The following EOLA1 variants were observed in gnomAD, a reference collection of about 807,000 sequenced individuals.
EOLA1 encodes the protein endothelium and lymphocyte associated ASCH domain 1.
In EOLA1, 1 loss-of-function variant was observed where a neutral mutation model predicts 4.5. The ratio of observed to expected loss-of-function variants is 0.22; its 90% CI spans 0.08 to 1.05. The LOEUF is 1.05. EOLA1 is among the 50% of genes least tolerant of loss of function. The pLI, the probability that EOLA1 is intolerant of heterozygous loss-of-function variation, is 0.57. For missense variants in EOLA1, 69 were observed against 127.2 expected, an observed-to-expected ratio of 0.54 and a Z score of 2.20; for synonymous variants, 37 against 52.3, an observed-to-expected ratio of 0.71 and a Z score of 1.26.
downstream of EOLA1, among the ~76,000 whole-genome samples, chrX:149,549,111 T>C (rs1323301232): frequency 1.8e-5 from 2 of 111,912 alleles, no homozygotes; most frequent in African/African-American, 3.3e-5. Flanking sequence ...GATTTTGATA[T>C]TAAACTGCAA....
rs2089881315 is a variant in EOLA1 at position 149,548,027 on chromosome X, TC to T, written c.*1067del. 9.8e-6 allele frequency among the ~76,000 whole-genome samples: 1 copy of T among 102,263 alleles called. No homozygotes were observed. The highest frequency in any genetic ancestry group is 1.0e-4 in the Admixed American group (1 of 9,703). The allele number at this position is 102,263 out of a possible 115,157, so 88.8% of individuals were successfully genotyped here. A position where few individuals can be genotyped will look rare whatever the true frequency, so the allele number is the denominator to read the frequency against. On this transcript the variant is annotated 3_prime_UTR_variant, in exon 5 of 5. Transcript: ENST00000393985. Reference sequence around the variant, plus strand: ...AGGCCAATCTCAGGGGACCAGGTCTTCCTGGGCTTGGCCTCGACACTTCCTA... The same window carrying T: ...AGGCCAATCTCAGGGGACCAGGTCTTCTGGGCTTGGCCTCGACACTTCCTA...
rs782302297 is a variant in EOLA1, at chrX:149,545,832, A to T, written c.202A>T (p.Ile68Phe). The change falls in exon 4 of 5, where the codon ATT (isoleucine) becomes TTT (phenylalanine). Residue 68 changes from isoleucine (I) to phenylalanine (F), a missense_variant. Transcript: ENST00000393985. Reference sequence around the variant, plus strand: ...GAGACTCGGGATGACTCCTGCTCAGATTCAGGCCTTGCTCAGGAAAGGGGA... The same window carrying T: ...GAGACTCGGGATGACTCCTGCTCAGTTTCAGGCCTTGCTCAGGAAAGGGGA... ...VERLGMTPAQ[I>F]QALLRKGEKF... is the part of the protein sequence containing the mutation. The T allele has an allele frequency of 1.2e-5, 14 of 1,211,374 alleles. No individual in the cohort carries two copies. The highest frequency in any genetic ancestry group is 1.6e-5 in the Non-Finnish European group (14 of 895,159).
upstream of EOLA1, chrX:149,540,953 C>G (rs1283099290): frequency 7.1e-5 from 8 of 113,249 alleles, no homozygotes; most frequent in African/African-American, 2.6e-4. Flanking sequence ...TGCATACATG[C>G]GTGATTGCGC....
At chrX:149,543,831 G>A (rs1166806434) in intron 2 of EOLA1, among the ~76,000 whole-genome samples, 1 of 90,212 alleles carries the variant, frequency 1.1e-5, no homozygotes, top group African/African-American at 4.4e-5. Flanking sequence ...AGAGCAGGAC[G>A]GTGAGCAACG....
intron 2 of EOLA1, chrX:149,545,035 A>G: frequency 1.5e-6 from 1 of 687,354 alleles, no homozygotes. Context: ...TGTCTGACTG[A>G]GGGCCATCTG....
Position 149,546,789 on chromosome X carries a change from G to A in EOLA1, c.304G>A (p.Asp102Asn), listed in dbSNP as rs141148310. The A allele has an allele frequency of 4.1e-4, 499 of 1,207,875 alleles. 2 individuals carry two copies. The highest frequency in any genetic ancestry group is 3.7e-3 in the Middle Eastern group (16 of 4,345). The change falls in exon 5 of 5, where the codon GAT becomes AAT. Residue 102 changes from aspartate to asparagine, a missense_variant. Asp to Asn is a conservative substitution (Grantham distance 23, BLOSUM62 1). Transcript: ENST00000393985. ...GCAATGCCCCGAAGACTTAACTCCC[G>A]ATGAGGTTGTGGAACTAGAAAATCA... Reference protein sequence around the residue: ...TLQCPEDLTPDEVVELENQAV... With the variant: ...TLQCPEDLTPNEVVELENQAV...
chrX:149,546,120 T>C (rs1445891569), intron 4 of EOLA1, among the ~76,000 whole-genome samples: 4 of 109,984 alleles, frequency 3.6e-5, no homozygotes, highest in African/African-American at 1.3e-4. Context: ...CTGTTTCTGA[T>C]CTCAGTGAGA....
chrX:149,541,900 G>T, intron 1 of EOLA1, 119 bp from the exon 2 acceptor site: 1 of 616,890 alleles, frequency 1.6e-6, no homozygotes, highest in Non-Finnish European at 2.0e-6. Context: ...ATAAGACCAG[G>T]CCTCCCAGCT....
At chrX:149,544,156 T>C (rs1257895245) in intron 2 of EOLA1, among the ~76,000 whole-genome samples, 1 of 54,430 alleles carries the variant, frequency 1.8e-5, no homozygotes, top group Non-Finnish European at 3.4e-5. Flanking sequence ...CGAGCATAGA[T>C]GGTGGCTGGT....
At position 149,548,187 on chromosome X, in the gene EOLA1, G is replaced by C; in HGVS notation, c.*1225G>C. The C allele has an allele frequency of 2.6e-6, 1 of 390,469 alleles. No individual in the cohort carries two copies. Among genetic ancestry groups the C allele is most frequent in the Non-Finnish European group, 3.8e-6 (1 of 261,548 alleles). 32.2% of individuals were successfully genotyped at this position (390,469 alleles called of 1,213,427 possible). A position where few individuals can be genotyped will look rare whatever the true frequency, so the allele number is the denominator to read the frequency against. ...CAATGAGATGTATATAATATACAAGGTTAAAAAAAACACAGACAACAGTTC... is the reference window on the plus strand; with the variant it reads ...CAATGAGATGTATATAATATACAAGCTTAAAAAAAACACAGACAACAGTTC... On this transcript the variant is annotated 3_prime_UTR_variant, in exon 5 of 5. Coordinates refer to ENST00000393985, the MANE Select transcript of EOLA1 (RefSeq NM_001171907.3).
upstream of EOLA1, chrX:149,541,011 C>T (rs1433984491): frequency 1.8e-5 from 2 of 113,002 alleles, no homozygotes; most frequent in African/African-American, 6.4e-5. Context: ...TGTATGAAAG[C>T]GGAAGAGTTA....
At chrX:149,540,637 A>G (rs1557346011), upstream of EOLA1, 1 of 92,224 alleles carries the variant, frequency 1.1e-5, no homozygotes, top group African/African-American at 4.3e-5. Context: ...CCCTGCTGGT[A>G]TAGCAGCTCT....
intron 2 of EOLA1, chrX:149,544,642 G>T (rs1335500663): frequency 1.3e-6 from 1 of 751,549 alleles, no homozygotes; most frequent in Non-Finnish European, 1.6e-6. Flanking sequence ...CGAGCCCAGG[G>T]TTCCTTCCAA....
At chrX:149,540,726 C>A (rs1369356532), upstream of EOLA1, 1 of 110,967 alleles carries the variant, frequency 9.0e-6, no homozygotes, top group Non-Finnish European at 1.9e-5. Context: ...TTCCTCCTTC[C>A]GGTTCTTCGT....
chrX:149,543,553 A>G (rs1220069041), intron 2 of EOLA1, among the ~76,000 whole-genome samples: 1 of 82,269 alleles, frequency 1.2e-5, no homozygotes, highest in African/African-American at 4.9e-5. Context: ...AGGGGATTGG[A>G]TTGGGATTGT....
intron 2 of EOLA1, among the ~76,000 whole-genome samples, chrX:149,542,748 A>G (rs2089753125): frequency 9.1e-6 from 1 of 109,420 alleles, no homozygotes; most frequent in Admixed American, 9.7e-5. Context: ...TGGGAACAGC[A>G]GTTTGCCAAG....
At position 149,541,220 on chromosome X, in the gene EOLA1, G is replaced by C. The variant is rs1232222165; in HGVS notation, c.-353G>C. ...TGTTCATTCCTGTGGCGAAAAGCCG[G>C]AGTCGGCCCTAGACACCCACGACTC... is the stretch of plus-strand genomic sequence containing the variant. On this transcript the variant is annotated 5_prime_UTR_variant, in exon 1 of 5. Coordinates refer to ENST00000393985, the MANE Select transcript of EOLA1 (RefSeq NM_001171907.3). The C allele has an allele frequency of 3.5e-5, 4 of 113,262 alleles. No individual in the cohort carries two copies. Among genetic ancestry groups the C allele is most frequent in the African/African-American group, 1.3e-4 (4 of 30,811 alleles). 9.3% of individuals were successfully genotyped at this position (113,262 alleles called of 1,213,427 possible).
At chrX:149,549,057 G>C (rs2089893123), downstream of EOLA1, 1 of 416,215 alleles carries the variant, frequency 2.4e-6, no homozygotes, top group African/African-American at 2.6e-5. Flanking sequence ...CCTGACTAAA[G>C]ATAAACAATT....
At chrX:149,544,979 G>A in intron 2 of EOLA1, 1 of 735,596 alleles carries the variant, frequency 1.4e-6, no homozygotes. Context: ...GCAGTGGTAG[G>A]GGAAGGGGCT....
Sources: allele counts gnomAD v4.1 joint callset (sites outside exome capture counted in the v4.1 genomes callset), GRCh38; gene constraint gnomAD v4.1.1; transcripts MANE v1.5; gene names NCBI Gene and HGNC (gene_info 2026-07-23, HGNC 2026-07-21).